The following SPATC1L variants were observed in gnomAD, a reference collection of about 807,000 sequenced individuals.
SPATC1L encodes speriolin-like protein.
A neutral mutation model predicts 21.2 loss-of-function variants in SPATC1L; 20 were observed. The observed-to-expected ratio is 0.94, with a 90% CI of 0.66 to 1.37. SPATC1L has a LOEUF of 1.37. SPATC1L is among the 40% of genes most tolerant of loss of function. The pLI, the probability that SPATC1L is intolerant of heterozygous loss-of-function variation, is 0.00. For missense variants in SPATC1L, 499 were observed against 478.7 expected (o/e 1.04, Z -0.40); for synonymous variants, 290 against 234.5 (o/e 1.24, Z -2.16).
Position 46,168,646 on chromosome 21 carries a change from C to T in SPATC1L, c.206G>A (p.Gly69Glu). 1 of 1,363,342 alleles carries T rather than the reference C, an allele frequency of 7.3e-7. No homozygotes were observed. The highest frequency in any genetic ancestry group is 2.0e-5 in the South Asian group (1 of 49,430). The allele number at this position is 1,363,342 out of a possible 1,614,324, so 84.5% of individuals were successfully genotyped here. ...GSPGSGVPDF[G>E]RFTSVADTPS... ...CGTGTCGGCAACACTCGTGAACCTT[C>T]CGAAATCTGGAACTGAGGCGGGGAG... is the stretch of plus-strand genomic sequence containing the variant. The change falls in exon 3 of 5, where the codon GGA (glycine) becomes GAA (glutamate). Residue 69 changes from glycine to glutamate, a missense_variant. Coordinates refer to ENST00000291672, the MANE Select transcript of SPATC1L (RefSeq NM_001142854.2).
chr21:46,171,234 C>A (rs1286504355), intron 2 of SPATC1L, among the ~76,000 whole-genome samples: 4 of 152,194 alleles, frequency 2.6e-5, no homozygotes, highest in Non-Finnish European at 5.9e-5. Flanking sequence ...CTTATCTATG[C>A]CTTTATGGCT....
At position 46,170,956 on chromosome 21, in the gene SPATC1L, C is replaced by T. The variant is rs1474067272; in HGVS notation, c.194-2298G>A. On this transcript the variant is annotated intron_variant, in intron 2 of 4. Coordinates refer to ENST00000291672, the MANE Select transcript of SPATC1L (RefSeq NM_001142854.2). ...TCCTCTGTGGATGGGGAGGAGCTTC[C>T]CTGCTCTGTAAACATCCTCTGTGGA... Among the ~76,000 whole-genome samples, 2 of 146,358 alleles carry T rather than the reference C, an allele frequency of 1.4e-5. 1 individual carries two copies. The highest frequency in any genetic ancestry group is 5.2e-5 in the African/African-American group (2 of 38,548).
intron 3 of SPATC1L, among the ~76,000 whole-genome samples, chr21:46,165,254 A>G (rs1268670054): frequency 4.6e-5 from 7 of 152,250 alleles, no homozygotes; most frequent in African/African-American, 1.7e-4. Context: ...ACAGTTTAAA[A>G]GTAAACAGAC....
In SPATC1L at chr21:46,182,618, C is replaced by A. The variant is rs774467955; in HGVS notation, c.193+6G>T. Reference sequence around the variant, plus strand: ...ACCAGGCCATCTGAGCTGGGCGGCGCCTCACCTCCGCTCCCGGGGGAGCCG... The same window carrying A: ...ACCAGGCCATCTGAGCTGGGCGGCGACTCACCTCCGCTCCCGGGGGAGCCG... On this transcript the variant is annotated splice_donor_region_variant and intron_variant, in intron 2 of 4. Coordinates refer to ENST00000291672, the MANE Select transcript of SPATC1L (RefSeq NM_001142854.2). The A allele has an allele frequency of 6.7e-7, 1 of 1,486,002 alleles. No individual in the cohort carries two copies. Among genetic ancestry groups the A allele is most frequent in the Non-Finnish European group, 8.9e-7 (1 of 1,118,290 alleles). 92.1% of individuals were successfully genotyped at this position (1,486,002 alleles called of 1,614,324 possible).
chr21:46,162,344 G>A (rs1027699831), intron 3 of SPATC1L, among the ~76,000 whole-genome samples: 2 of 152,120 alleles, frequency 1.3e-5, no homozygotes, highest in Non-Finnish European at 2.9e-5. Flanking sequence ...CCCCTGTCAC[G>A]CGGGAGTCTG....
At chr21:46,170,970 ATCCTC>A (rs1162648945) in intron 2 of SPATC1L, among the ~76,000 whole-genome samples, 1 of 145,252 alleles carries the variant, frequency 6.9e-6, no homozygotes, top group Non-Finnish European at 1.5e-5. Context: ...CTCTGTAAAC[ATCCTC>A]TGTGGATGGG....
At position 46,161,397 on chromosome 21, in the gene SPATC1L, C is replaced by T. The variant is rs777160651; in HGVS notation, c.1005G>A (p.Lys335=). The T allele has an allele frequency of 1.3e-6, 2 of 1,525,674 alleles. No homozygotes were observed. Among genetic ancestry groups the T allele is most frequent in the African/African-American group, 2.8e-5 (2 of 72,714 alleles). The allele number at this position is 1,525,674 out of a possible 1,614,324, so 94.5% of individuals were successfully genotyped here. A position where few individuals can be genotyped will look rare whatever the true frequency, so the allele number is the denominator to read the frequency against. ...CLCELSKEDG[K]PLFAW is the part of the protein sequence containing the mutation. The stretch of plus-strand genomic sequence containing the variant: ...GGGCGGCTCACCAGGCGAAGAGGGG[C>T]TTGCCGTCCTCCTTGGAGAGCTCGC... Residue 335 remains lysine (K), a synonymous_variant, in exon 5 of 5, where the codon AAG becomes AAA. Transcript: ENST00000291672.
intron 2 of SPATC1L, among the ~76,000 whole-genome samples, chr21:46,182,084 C>T: frequency 6.6e-6 from 1 of 152,234 alleles, no homozygotes; most frequent in South Asian, 2.1e-4. Context: ...CAGGCGCCCA[C>T]TTGTCCCTAC....
chr21:46,182,673 G>T lies in SPATC1L; in HGVS notation c.144C>A (p.Leu48=). The change falls in exon 2 of 5, where the codon CTC becomes CTA. Residue 48 remains leucine (L), a synonymous_variant. Transcript: ENST00000291672. ...SCQEGGGHDL[L]PPRAHAYPEA... is the part of the protein sequence containing the mutation. ...CAGGGTAGGCATGCGCCCTGGGTGG[G>T]AGCAGGTCGTGGCCGCCGCCCTCCT... 6.5e-7 allele frequency: 1 copy of T among 1,541,510 alleles called. No individual in the cohort carries two copies. Among genetic ancestry groups the T allele is most frequent in the Non-Finnish European group, 8.7e-7 (1 of 1,146,202 alleles).
At position 46,165,624 on chromosome 21, in the gene SPATC1L, A is replaced by G. The variant is rs556799430; in HGVS notation, c.544+2684T>C. On this transcript the variant is annotated intron_variant, in intron 3 of 4. Coordinates refer to ENST00000291672, the MANE Select transcript of SPATC1L (RefSeq NM_001142854.2). ...ATAGAAACCTTCTGACTAGAAAAGG[A>G]CAACATGAGTATGAGGAGTCCTTTC... 2.0e-5 allele frequency among the ~76,000 whole-genome samples: 3 copies of G among 148,992 alleles called. No homozygotes were observed. In the East Asian group the frequency reaches 5.8e-4, roughly 29 times the overall value.
rs2079696170 is a variant in SPATC1L at position 46,183,479 on chromosome 21, T to A, written c.-663A>T. 1 of 151,036 alleles carries A rather than the reference T, an allele frequency of 6.6e-6. No individual in the cohort carries two copies. The highest frequency in any genetic ancestry group is 2.8e-5 in the African/African-American group (1 of 35,896). 9.4% of individuals were successfully genotyped at this position (151,036 alleles called of 1,614,324 possible). On this transcript the variant is annotated 5_prime_UTR_variant, in exon 2 of 5. Transcript: ENST00000291672. ...GACCAGTCTGCGGGGGAGACCAGCC[T>A]GGGGAGGAGACCAGCCTGCAGGGGA...
Position 46,161,296 on chromosome 21 carries a change from C to G in SPATC1L, c.*83G>C, listed in dbSNP as rs979047712. ...CGCGGGGGACGCGGCCCTTTCCCCTCCGGGGGGACGCGCAGGAGGCACCGC... is the reference window on the plus strand; with the variant it reads ...CGCGGGGGACGCGGCCCTTTCCCCTGCGGGGGGACGCGCAGGAGGCACCGC... On this transcript the variant is annotated 3_prime_UTR_variant, in exon 5 of 5. Coordinates refer to ENST00000291672, the MANE Select transcript of SPATC1L (RefSeq NM_001142854.2). The G allele has an allele frequency of 1.7e-5, 22 of 1,328,476 alleles. No homozygotes were observed. Among genetic ancestry groups the G allele is most frequent in the Non-Finnish European group, 2.2e-5 (22 of 1,011,364 alleles). 82.3% of individuals were successfully genotyped at this position (1,328,476 alleles called of 1,614,324 possible).
intron 2 of SPATC1L, among the ~76,000 whole-genome samples, chr21:46,178,232 C>CAAAAA (rs59110880): frequency 7.6e-5 from 3 of 39,384 alleles, no homozygotes; most frequent in East Asian, 6.6e-4. Flanking sequence ...AACTCCATCT[C>CAAAAA]AAAAAAAAAA....
At chr21:46,171,939 G>GAAAAA (rs66628257) in intron 2 of SPATC1L, among the ~76,000 whole-genome samples, 1 of 67,806 alleles carries the variant, frequency 1.5e-5, no homozygotes, top group Non-Finnish European at 2.8e-5. Flanking sequence ...ATAACCCCCA[G>GAAAAA]AAAAAAAAAA....
Position 46,172,140 on chromosome 21 carries a change from G to GC in SPATC1L, c.194-3483_194-3482insG, listed in dbSNP as rs1569001331. 2.8e-3 allele frequency among the ~76,000 whole-genome samples: 44 copies of GC among 15,768 alleles called. 7 individuals are homozygous for GC. The East Asian group carries it at 0.19, about 69-fold the overall frequency. 10.3% of individuals were successfully genotyped at this position (15,768 alleles called of 152,430 possible). ...AGGCGGGGGATGCACAGAGTGTGAGGTGGGGGATGCAAAGAGCGTGAGGCG... is the reference window on the plus strand; with the variant it reads ...AGGCGGGGGATGCACAGAGTGTGAGGCTGGGGGATGCAAAGAGCGTGAGGCG... On this transcript the variant is annotated intron_variant, in intron 2 of 4. Transcript: ENST00000291672.
chr21:46,161,199 G>A lies in SPATC1L; in HGVS notation c.*180C>T, dbSNP rs937784933. ...TTTAATGAGGGGTGAGAAGCACTCC[G>A]CAGGTGCGGGCAGCGGCGGGCTGCG... is the stretch of plus-strand genomic sequence containing the variant. On this transcript the variant is annotated 3_prime_UTR_variant, in exon 5 of 5. Coordinates refer to ENST00000291672, the MANE Select transcript of SPATC1L (RefSeq NM_001142854.2). 1.4e-5 allele frequency: 7 copies of A among 499,510 alleles called. No individual in the cohort carries two copies. Among genetic ancestry groups the A allele is most frequent in the Admixed American group, 4.1e-5 (1 of 24,372 alleles). 30.9% of individuals were successfully genotyped at this position (499,510 alleles called of 1,614,324 possible).
Position 46,161,647 on chromosome 21 carries a change from TGCGTCAGCTC to T in SPATC1L, c.745_754del (p.Glu249SerfsTer6). ...GCGCGCGCTCAGGGCCAGGTAGCGC[TGCGTCAGCTC>T]GCGCAGCTTCCTCTCGTCCACGGAG... is the stretch of plus-strand genomic sequence containing the variant. On this transcript the variant is annotated frameshift_variant, in exon 5 of 5. Coordinates refer to ENST00000291672, the MANE Select transcript of SPATC1L (RefSeq NM_001142854.2). LOFTEE classifies it high-confidence loss of function. 1 of 1,609,646 alleles carries T rather than the reference TGCGTCAGCTC, an allele frequency of 6.2e-7. No individual in the cohort carries two copies.
At chr21:46,181,807 T>C (rs2079676412) in intron 2 of SPATC1L, among the ~76,000 whole-genome samples, 1 of 152,078 alleles carries the variant, frequency 6.6e-6, no homozygotes, top group African/African-American at 2.4e-5. Context: ...AGGTTGGCCG[T>C]GGGAATCCCA....
At chr21:46,162,420 C>T (rs981970983) in intron 3 of SPATC1L, among the ~76,000 whole-genome samples, 2 of 152,076 alleles carry the variant, frequency 1.3e-5, no homozygotes. Context: ...GGACGGGTCC[C>T]CTCCAGTGAG....
Sources: allele counts gnomAD v4.1 joint callset (sites outside exome capture counted in the v4.1 genomes callset), GRCh38; gene constraint gnomAD v4.1.1; transcripts MANE v1.5; gene names NCBI Gene and HGNC (gene_info 2026-07-23, HGNC 2026-07-21).